The following UGGT2 variants were observed in gnomAD, a reference collection of about 807,000 sequenced individuals.
The protein encoded by UGGT2 is UDP-glucose:glycoprotein glucosyltransferase 2.
A neutral mutation model predicts 192.1 loss-of-function variants in UGGT2; 180 were observed. The ratio of observed to expected loss-of-function variants is 0.94; its 90% confidence interval spans 0.83 to 1.06. The LOEUF is 1.06. Ranked by LOEUF, UGGT2 falls within the 50% of genes least tolerant of loss-of-function variation. The pLI is 0.00. For synonymous variants in UGGT2, 580 were observed against 591.0 expected, an observed-to-expected ratio of 0.98 and a Z score of 0.27; for missense variants, 1,849 against 1,795.7, an observed-to-expected ratio of 1.03 and a Z score of -0.54.
intron 36 of UGGT2, among the ~76,000 whole-genome samples, chr13:95,837,661 A>C (rs1452378853): frequency 6.6e-6 from 1 of 152,218 alleles, no homozygotes; most frequent in East Asian, 1.9e-4. Context: ...CTCTAAGTAA[A>C]GATTGCTGGC....
intron 30 of UGGT2, 62 bp from the exon 31 acceptor site, chr13:95,863,776 G>C (rs1340408036): frequency 7.5e-7 from 1 of 1,330,468 alleles, no homozygotes; most frequent in Non-Finnish European, 1.1e-6. Flanking sequence ...TGTATGGTTA[G>C]AAAGTGAAAC....
At chr13:95,979,942 A>AAT (rs2051063945) in intron 10 of UGGT2, among the ~76,000 whole-genome samples, 1 of 152,214 alleles carries the variant, frequency 6.6e-6, no homozygotes, top group African/African-American at 2.4e-5. Flanking sequence ...ACCACAATGC[A>AAT]ATACCACCTC....
At chr13:96,039,684 C>T (rs1158467975) in intron 1 of UGGT2, among the ~76,000 whole-genome samples, 3 of 152,166 alleles carry the variant, frequency 2.0e-5, no homozygotes, top group African/African-American at 7.2e-5. Flanking sequence ...ATATAGGCAG[C>T]GAGGAGAAAC....
intron 36 of UGGT2, among the ~76,000 whole-genome samples, chr13:95,843,572 T>C (rs1458671411): frequency 6.6e-6 from 1 of 152,220 alleles, no homozygotes; most frequent in Non-Finnish European, 1.5e-5. Context: ...CACAGAGATT[T>C]TCTCCTATCT....
intron 25 of UGGT2, among the ~76,000 whole-genome samples, chr13:95,888,504 A>C (rs1279786986): frequency 6.6e-6 from 1 of 152,216 alleles, no homozygotes; most frequent in African/African-American, 2.4e-5. Flanking sequence ...TAAAGCTGTT[A>C]GATAACAAAT....
intron 20 of UGGT2, among the ~76,000 whole-genome samples, chr13:95,914,465 G>A (rs1209054124): frequency 6.6e-6 from 1 of 151,826 alleles, no homozygotes; most frequent in East Asian, 1.9e-4. Flanking sequence ...ATATAGAAAG[G>A]ATAATTAATA....
intron 17 of UGGT2, among the ~76,000 whole-genome samples, chr13:95,933,920 G>A (rs985077794): frequency 3.3e-5 from 5 of 152,004 alleles, no homozygotes; most frequent in Non-Finnish European, 7.4e-5. Flanking sequence ...TCCTGACCTC[G>A]TGATCTGCCC....
intron 1 of UGGT2, among the ~76,000 whole-genome samples, chr13:96,045,316 G>A (rs1483767931): frequency 1.3e-5 from 2 of 151,986 alleles, no homozygotes; most frequent in South Asian, 2.1e-4. Context: ...CAACAAAATC[G>A]GCATACAAGG....
intron 20 of UGGT2, among the ~76,000 whole-genome samples, chr13:95,925,274 A>G (rs1329018335): frequency 1.3e-5 from 2 of 152,208 alleles, no homozygotes; most frequent in South Asian, 2.1e-4. Flanking sequence ...AAATTTACTT[A>G]GTTTTTCTTA....
chr13:95,975,896 T>C (rs1458739192), intron 10 of UGGT2, among the ~76,000 whole-genome samples: 1 of 152,214 alleles, frequency 6.6e-6, no homozygotes, highest in African/African-American at 2.4e-5. Flanking sequence ...AAGCATATAA[T>C]GTGTAATGAT....
chr13:95,854,888 A>T (rs1199549872), intron 34 of UGGT2, among the ~76,000 whole-genome samples: 3 of 152,100 alleles, frequency 2.0e-5, no homozygotes, highest in Non-Finnish European at 4.4e-5. Context: ...TTTGAATCAT[A>T]AAGAAAAATC....
chr13:95,937,033 T>A lies in UGGT2; in HGVS notation c.1868A>T (p.Tyr623Phe). 1 of 1,605,046 alleles carries A rather than the reference T, an allele frequency of 6.2e-7. No homozygotes were observed. Among genetic ancestry groups the A allele is most frequent in the Non-Finnish European group, 8.5e-7 (1 of 1,178,178 alleles). Residue 623 changes from tyrosine (Y) to phenylalanine (F), a missense_variant, in exon 17 of 39, where the codon TAT (tyrosine) becomes TTT (phenylalanine). By Grantham distance (22) the Tyr-to-Phe change is conservative (BLOSUM62 3). Coordinates refer to ENST00000376747, the MANE Select transcript of UGGT2 (RefSeq NM_020121.4). ...TTCATGTTTAAAGGGTTCACCATTA[T>A]AAAGAGCTTGAGGCAAAGGACCCAG... ...TGLGPLPQAL[Y>F]NGEPFKHEEM...
chr13:95,896,165 G>A (rs1344529754), intron 22 of UGGT2, among the ~76,000 whole-genome samples: 1 of 151,848 alleles, frequency 6.6e-6, no homozygotes, highest in Non-Finnish European at 1.5e-5. Flanking sequence ...TTTTTTCTTG[G>A]TAAAAAGACC....
chr13:95,999,987 T>G (rs2051747231), intron 5 of UGGT2, among the ~76,000 whole-genome samples: 1 of 152,182 alleles, frequency 6.6e-6, no homozygotes, highest in Admixed American at 6.5e-5. Flanking sequence ...TCCTAGAGAT[T>G]ACCTCATCAA....
At chr13:95,924,393 C>CCT (rs2048947934) in intron 20 of UGGT2, among the ~76,000 whole-genome samples, 1 of 63,320 alleles carries the variant, frequency 1.6e-5, no homozygotes, top group African/African-American at 4.8e-5. Context: ...TCCCAAACAG[C>CCT]TTTTTTTTTT....
At chr13:95,986,267 A>G in intron 9 of UGGT2, 66 bp downstream of exon 9, 2 of 1,137,212 alleles carry the variant, frequency 1.8e-6, no homozygotes, top group South Asian at 1.3e-5. Context: ...GAAATCAGCT[A>G]TTTTCATAAA....
intron 38 of UGGT2, among the ~76,000 whole-genome samples, chr13:95,831,641 C>T (rs188094389): frequency 5.9e-5 from 9 of 152,036 alleles, no homozygotes; most frequent in African/African-American, 2.2e-4. Flanking sequence ...AAAGGGTATA[C>T]AAATTTTAAG....
intron 38 of UGGT2, among the ~76,000 whole-genome samples, chr13:95,825,088 AAT>A (rs1270263402): frequency 6.6e-6 from 1 of 152,110 alleles, no homozygotes; most frequent in African/African-American, 2.4e-5. Flanking sequence ...ATGTGGTTGT[AAT>A]AGTCATGTAC....
chr13:95,852,009 T>G (rs1015555932), intron 36 of UGGT2, among the ~76,000 whole-genome samples: 1 of 152,168 alleles, frequency 6.6e-6, no homozygotes, highest in Non-Finnish European at 1.5e-5. Context: ...TTCTACTAAC[T>G]GGCAATAGTG....
Sources: allele counts gnomAD v4.1 joint callset (sites outside exome capture counted in the v4.1 genomes callset), GRCh38; gene constraint gnomAD v4.1.1; transcripts MANE v1.5; gene names NCBI Gene and HGNC (gene_info 2026-07-23, HGNC 2026-07-21).